The following ANO1 variants were observed in gnomAD, a reference collection of about 807,000 sequenced individuals.
The protein encoded by ANO1 is anoctamin-1.
ANO1 carries 59 observed loss-of-function variants against 124.0 expected under a neutral mutation model. The ratio of observed to expected loss-of-function variants is 0.48; its 90% CI spans 0.39 to 0.59. ANO1 has a LOEUF of 0.59. Ranked by LOEUF, ANO1 falls within the 20% of genes least tolerant of loss-of-function variation. The pLI is 0.00. For synonymous variants in ANO1, 529 were observed against 532.0 expected (o/e 0.99, Z 0.08); for missense variants, 1,059 against 1,328.0 (o/e 0.80, Z 3.15).
intron 1 of ANO1, among the ~76,000 whole-genome samples, chr11:70,085,868 G>A (rs1409866032): frequency 6.6e-6 from 1 of 152,268 alleles, no homozygotes; most frequent in African/African-American, 2.4e-5. Context: ...TCGAATGAGG[G>A]ATTCTGCCTG....
chr11:70,093,539 G>A (rs997072099), intron 2 of ANO1, among the ~76,000 whole-genome samples: 2 of 152,176 alleles, frequency 1.3e-5, no homozygotes, highest in East Asian at 1.9e-4. Context: ...TGTGCTGGGG[G>A]GCGGCTGAGG....
chr11:69,995,329 C>G (rs1218120928), intron 1 of ANO1, among the ~76,000 whole-genome samples: 1 of 152,050 alleles, frequency 6.6e-6, no homozygotes, highest in Non-Finnish European at 1.5e-5. Context: ...GAACTCCTGA[C>G]CTTGTGATCT....
intron 1 of ANO1, chr11:70,015,075 T>C (rs1402129474): frequency 2.6e-5 from 4 of 152,066 alleles, no homozygotes; most frequent in African/African-American, 9.7e-5. Flanking sequence ...TCAATAATTG[T>C]GCCCAGGGCT....
At chr11:70,036,045 T>C (rs1565165949) in intron 1 of ANO1, among the ~76,000 whole-genome samples, 1 of 152,176 alleles carries the variant, frequency 6.6e-6, no homozygotes, top group Non-Finnish European at 1.5e-5. Context: ...TACCCAGCTG[T>C]AGGAGTCTCC....
At chr11:70,176,633 G>A (rs1396554086) in intron 22 of ANO1, among the ~76,000 whole-genome samples, 2 of 152,098 alleles carry the variant, frequency 1.3e-5, no homozygotes, top group African/African-American at 4.8e-5. Context: ...GTTCATGCTG[G>A]TCGACTTTTG....
chr11:70,082,083 C>T (rs912668266), intron 1 of ANO1, among the ~76,000 whole-genome samples: 4 of 152,250 alleles, frequency 2.6e-5, no homozygotes, highest in African/African-American at 4.8e-5. Flanking sequence ...AAAACTGAGG[C>T]TCCCAGTTGG....
At chr11:70,130,570 C>T (rs540718086) in intron 10 of ANO1, among the ~76,000 whole-genome samples, 1 of 152,342 alleles carries the variant, frequency 6.6e-6, no homozygotes, top group Non-Finnish European at 1.5e-5. Context: ...GGCTCCTGCT[C>T]TCGCCGCCGA....
the ANO1 span, among the ~76,000 whole-genome samples, chr11:69,967,251 T>C: frequency 4.0e-5 from 3 of 75,402 alleles, no homozygotes; most frequent in Non-Finnish European, 6.6e-5. Context: ...TAGCATCAGG[T>C]TCCGAGCGCC....
chr11:69,995,102 T>G (rs5792500), intron 1 of ANO1, among the ~76,000 whole-genome samples: 17 of 10,290 alleles, frequency 1.7e-3, no homozygotes, highest in African/African-American at 2.2e-3. Flanking sequence ...TGTTTTTTTT[T>G]TTTTTTTTTT....
At chr11:70,133,893 G>T (rs2046855439) in intron 11 of ANO1, among the ~76,000 whole-genome samples, 1 of 152,216 alleles carries the variant, frequency 6.6e-6, no homozygotes, top group Admixed American at 6.5e-5. Context: ...AGCCTGGGCA[G>T]CTGGGCCGGG....
At chr11:70,131,472 C>T (rs60185122) in intron 10 of ANO1, among the ~76,000 whole-genome samples, 30 of 152,214 alleles carry the variant, frequency 2.0e-4, no homozygotes, top group Non-Finnish European at 2.6e-4. Flanking sequence ...GGATCACAGG[C>T]GCGTGCCACC....
chr11:70,036,764 C>T (rs1277876177), intron 1 of ANO1, among the ~76,000 whole-genome samples: 3 of 152,190 alleles, frequency 2.0e-5, no homozygotes, highest in African/African-American at 4.8e-5. Flanking sequence ...CCCGCCACCA[C>T]ACCCGGCTAA....
At chr11:69,974,886 CTA>C in the ANO1 span, among the ~76,000 whole-genome samples, 1 of 78,554 alleles carries the variant, frequency 1.3e-5, no homozygotes, top group African/African-American at 4.0e-5. Context: ...GCCTCCGTCT[CTA>C]AAAAAAAAAA....
chr11:70,067,323 G>GGTTTTTTTTTTTT lies in ANO1; in HGVS notation c.59-11219_59-11218insGTTTTTTTTTTTT, dbSNP rs1555008734. Among the ~76,000 whole-genome samples, 6 of 126,536 alleles carry GGTTTTTTTTTTTT rather than the reference G, an allele frequency of 4.7e-5. 3 individuals are homozygous for GGTTTTTTTTTTTT. Among genetic ancestry groups the GGTTTTTTTTTTTT allele is most frequent in the Non-Finnish European group, 6.7e-5 (4 of 60,090 alleles). The allele number at this position is 126,536 out of a possible 152,430, so 83.0% of individuals were successfully genotyped here. The stretch of plus-strand genomic sequence containing the variant: ...TCCAAGGGGACAAGGAATCGTGGGT[G>GGTTTTTTTTTTTT]TTTTTTTTTTTTTTTTTTTTTTGAG... On this transcript the variant is annotated intron_variant, in intron 1 of 27. Coordinates refer to the ANO1 transcript ENST00000531349.
intron 11 of ANO1, among the ~76,000 whole-genome samples, chr11:70,135,054 T>C (rs2046902444): frequency 1.3e-5 from 2 of 152,104 alleles, no homozygotes; most frequent in Admixed American, 6.5e-5. Context: ...AAGAGGGAGC[T>C]TGTGCAGTGA....
intron 16 of ANO1, among the ~76,000 whole-genome samples, chr11:70,160,428 T>C (rs2047998767): frequency 6.6e-6 from 1 of 152,186 alleles, no homozygotes; most frequent in Admixed American, 6.5e-5. Context: ...CTTGTCATTG[T>C]AGCCAACTCC....
At chr11:70,035,668 C>T (rs1447017751) in intron 1 of ANO1, among the ~76,000 whole-genome samples, 2 of 152,182 alleles carry the variant, frequency 1.3e-5, no homozygotes, top group African/African-American at 4.8e-5. Context: ...GGTATTTGTC[C>T]TAATGCTCTC....
At chr11:69,981,042 A>G (rs566420238), upstream of ANO1, among the ~76,000 whole-genome samples, 1 of 152,256 alleles carries the variant, frequency 6.6e-6, no homozygotes, top group African/African-American at 2.4e-5. Flanking sequence ...CAGGAGCGAG[A>G]CTCCTTTACA....
intron 1 of ANO1, among the ~76,000 whole-genome samples, chr11:70,023,873 G>C (rs1225570135): frequency 6.6e-6 from 1 of 152,212 alleles, no homozygotes; most frequent in African/African-American, 2.4e-5. Flanking sequence ...GTTGCTCTGT[G>C]CTTTACATTT....
Sources: allele counts gnomAD v4.1 joint callset (sites outside exome capture counted in the v4.1 genomes callset), GRCh38; gene constraint gnomAD v4.1.1; transcripts MANE v1.5; gene names NCBI Gene and HGNC (gene_info 2026-07-23, HGNC 2026-07-21).